ZNF680: variants seen among roughly 807,000 people sequenced by gnomAD.
ZNF680 encodes the protein hypothetical protein FLJ90430.
Under a neutral mutation model 12.1 loss-of-function variants are expected in ZNF680, and 6 were observed. The observed-to-expected ratio is 0.49, with a 90% CI of 0.27 to 0.98. The LOEUF (loss-of-function observed/expected upper bound fraction) is 0.98. Among genes scored for constraint, ZNF680 ranks in the 50% least tolerant of loss-of-function variants. The pLI, the probability that ZNF680 is intolerant of heterozygous loss-of-function variation, is 0.12. For missense variants in ZNF680, 561 were observed against 616.3 expected, an observed-to-expected ratio of 0.91 and a Z score of 0.95; for synonymous variants, 170 against 199.3, an observed-to-expected ratio of 0.85 and a Z score of 1.24.
At chr7:64,530,036 T>C (rs538958517) in intron 3 of ZNF680, among the ~76,000 whole-genome samples, 3 of 152,352 alleles carry the variant, frequency 2.0e-5, no homozygotes, top group East Asian at 1.9e-4. Context: ...CCAAGAATTC[T>C]GTATCCAGTG....
intron 3 of ZNF680, among the ~76,000 whole-genome samples, chr7:64,531,259 T>C (rs1461085148): frequency 6.6e-6 from 1 of 152,046 alleles, no homozygotes; most frequent in Non-Finnish European, 1.5e-5. Context: ...AGTTAAAGAA[T>C]ATTGAAATTA....
At chr7:64,533,612 A>C (rs544095021) in intron 3 of ZNF680, among the ~76,000 whole-genome samples, 1 of 152,272 alleles carries the variant, frequency 6.6e-6, no homozygotes, top group African/African-American at 2.4e-5. Flanking sequence ...AAACAAACTC[A>C]ATACAATCCC....
At chr7:64,539,820 T>C (rs1177612517) in intron 3 of ZNF680, among the ~76,000 whole-genome samples, 1 of 151,944 alleles carries the variant, frequency 6.6e-6, no homozygotes, top group African/African-American at 2.4e-5. Context: ...TCTTTAAAAA[T>C]AGTTTTTTTT....
rs755652769 is a variant in ZNF680 at position 64,521,728 on chromosome 7, T to C, written c.1026A>G (p.Lys342=). ...TGTAGGGTTTCTCTCCAGTATGAAT[T>C]TTCTTATGTTTAGTAAGGTTTGAAA... is the stretch of plus-strand genomic sequence containing the variant. ...NQFSNLTKHK[K]IHTGEKPYKC... The change falls in exon 4 of 4, where the codon AAA becomes AAG. Residue 342 remains lysine, a synonymous_variant. Transcript: ENST00000309683. 5 of 1,612,612 alleles carry C rather than the reference T, an allele frequency of 3.1e-6. No individual in the cohort carries two copies. The highest frequency in any genetic ancestry group is 4.2e-6 in the Non-Finnish European group (5 of 1,179,762).
rs773267235 is a variant in ZNF680, at chr7:64,522,091, C to G, written c.663G>C (p.Trp221Cys). ...KCEECGKVLNWFSELIKHKGI... is the reference protein window; with the variant it reads ...KCEECGKVLNCFSELIKHKGI... ...CCTTATGTTTAATAAGCTCTGAGAA[C>G]CAGTTAAGAACTTTGCCACATTCCT... The change falls in exon 4 of 4, where the codon TGG (tryptophan) becomes TGC (cysteine). Residue 221 changes from tryptophan (W) to cysteine (C), a missense_variant. By Grantham distance (215) the Trp-to-Cys change is radical (BLOSUM62 -2). Transcript: ENST00000309683. 1.9e-6 allele frequency: 3 copies of G among 1,611,652 alleles called. No individual in the cohort carries two copies. The African/African-American group carries it at 4.0e-5, about 22-fold the overall frequency.
At chr7:64,508,123 G>GTATATA in the ZNF680 span, among the ~76,000 whole-genome samples, 22,249 of 117,396 alleles carry the variant, frequency 0.19, 2,691 homozygotes, top group Non-Finnish European at 0.25. Flanking sequence ...ATTTTAAAAT[G>GTATATA]TATATATATA....
chr7:64,509,034 TC>T, the ZNF680 span, among the ~76,000 whole-genome samples: 1 of 152,224 alleles, frequency 6.6e-6, no homozygotes, highest in South Asian at 2.1e-4. Flanking sequence ...GTAAATACCC[TC>T]CCCCTCTCCA....
chr7:64,525,877 T>C (rs973584987), intron 3 of ZNF680: 1 of 985,066 alleles, frequency 1.0e-6, no homozygotes, highest in African/African-American at 1.7e-5. Flanking sequence ...ATACCAGAAA[T>C]ATACAAGTCA....
intron 3 of ZNF680, 51 bp downstream of exon 3, chr7:64,543,656 C>A: frequency 6.8e-7 from 1 of 1,465,978 alleles, no homozygotes; most frequent in African/African-American, 1.4e-5. Flanking sequence ...TCTTTGACAT[C>A]TGGACCTCTC....
chr7:64,515,323 C>A (rs1791327933), downstream of ZNF680, among the ~76,000 whole-genome samples: 3 of 151,866 alleles, frequency 2.0e-5, no homozygotes, highest in Admixed American at 2.0e-4. Context: ...CTTCCAAAAA[C>A]CCTTAAACTA....
At chr7:64,530,711 T>G (rs1403003283) in intron 3 of ZNF680, among the ~76,000 whole-genome samples, 1 of 151,692 alleles carries the variant, frequency 6.6e-6, no homozygotes, top group East Asian at 1.9e-4. Context: ...ATACAAAAAT[T>G]AGCCGGGTGT....
chr7:64,518,649 A>G (rs1327043985), downstream of ZNF680, among the ~76,000 whole-genome samples: 1 of 152,084 alleles, frequency 6.6e-6, no homozygotes, highest in Non-Finnish European at 1.5e-5. Context: ...ATAGGCATAT[A>G]GACCAATGGA....
intron 3 of ZNF680, among the ~76,000 whole-genome samples, chr7:64,536,395 A>G (rs10225784): frequency 0.99 from 150,929 of 152,330 alleles, 74,770 homozygotes; most frequent in East Asian, 1. Flanking sequence ...TACAATCATG[A>G]TGGAAGGCAA....
At chr7:64,510,451 T>C in the ZNF680 span, among the ~76,000 whole-genome samples, 56 of 151,888 alleles carry the variant, frequency 3.7e-4, no homozygotes, top group African/African-American at 1.2e-3. Context: ...GCCCTTAATA[T>C]TAAAAAAAAA....
At chr7:64,501,560 T>G in the ZNF680 span, 1 of 749,230 alleles carries the variant, frequency 1.3e-6, no homozygotes, top group Non-Finnish European at 2.4e-6. Context: ...AAAATGAGAT[T>G]AATGTGAAGT....
chr7:64,523,719 C>G (rs1448060052), intron 3 of ZNF680, among the ~76,000 whole-genome samples: 1 of 151,952 alleles, frequency 6.6e-6, no homozygotes, highest in Non-Finnish European at 1.5e-5. Flanking sequence ...TGAGACCATC[C>G]TGGCTAACAT....
At chr7:64,513,651 T>A in the ZNF680 span, among the ~76,000 whole-genome samples, 2,495 of 88,250 alleles carry the variant, frequency 0.028, 59 homozygotes, top group Admixed American at 0.088. Context: ...TAATTAAAAA[T>A]TTTTTTTTTT....
chr7:64,545,970 A>G (rs1391650439), intron 1 of ZNF680, among the ~76,000 whole-genome samples: 1 of 152,240 alleles, frequency 6.6e-6, no homozygotes, highest in African/African-American at 2.4e-5. Context: ...ATTCATAATG[A>G]GAATTCTGCA....
chr7:64,551,986 A>C (rs923359455), intron 1 of ZNF680: 2 of 152,216 alleles, frequency 1.3e-5, no homozygotes, highest in Non-Finnish European at 2.9e-5. Context: ...AGATTCCTCC[A>C]TCTCTGCTGC....
Sources: gnomAD v4.1 joint callset for allele counts (sites outside exome capture counted in the v4.1 genomes callset) on GRCh38, gnomAD v4.1.1 for gene constraint, MANE v1.5 for transcripts, NCBI Gene and HGNC (gene_info 2026-07-23, HGNC 2026-07-21) for gene names.